Variants in POP4 observed in about 807,000 individuals in gnomAD.
POP4 encodes the protein POP4 ribonuclease P/MRP subunit, also known as ribonuclease P protein subunit p29.
POP4 carries 31 observed loss-of-function variants against 29.9 expected under a neutral mutation model. The ratio of observed to expected loss-of-function variants is 1.04; its 90% CI spans 0.78 to 1.40. The LOEUF (loss-of-function observed/expected upper bound fraction) is 1.40, where lower values mean the gene tolerates loss of function less well. Among genes scored for constraint, POP4 ranks in the 40% most tolerant of loss-of-function variants. POP4 has a pLI of 0.00. For missense variants in POP4, 286 were observed against 282.7 expected, an observed-to-expected ratio of 1.01 and a Z score of -0.08; for synonymous variants, 110 against 108.2, an observed-to-expected ratio of 1.02 and a Z score of -0.10.
intron 1 of POP4, among the ~76,000 whole-genome samples, chr19:29,607,467 CA>C (rs11358303): frequency 0.77 from 115,107 of 149,892 alleles, 45,004 homozygotes; most frequent in African/African-American, 0.92. Flanking sequence ...AAACAAACAA[CA>C]AAAAAAAAAA....
rs572652476 is a variant in POP4 at position 29,608,638 on chromosome 19, CTTTT to C, written c.8-14_8-11del. ...CATACCCAACAAGAATTGATCATTT[CTTTT>C]TTTTAATCCCCCAGGTGTGATCTAC... On this transcript the variant is annotated splice_polypyrimidine_tract_variant and intron_variant, in intron 1 of 6. Coordinates refer to ENST00000585603, the MANE Select transcript of POP4 (RefSeq NM_006627.3). 1 of 1,608,530 alleles carries C rather than the reference CTTTT, an allele frequency of 6.2e-7. No individual in the cohort carries two copies. Among genetic ancestry groups the C allele is most frequent in the Non-Finnish European group, 8.5e-7 (1 of 1,175,704 alleles).
chr19:29,610,983 T>A (rs567095525), intron 3 of POP4: 1 of 239,216 alleles, frequency 4.2e-6, no homozygotes, highest in East Asian at 1.1e-4. Context: ...AGCCAGACAG[T>A]CACCCACTCG....
chr19:29,610,681 G>A (rs1971057600), intron 3 of POP4, 49 bp downstream of exon 3: 1 of 1,577,672 alleles, frequency 6.3e-7, no homozygotes, highest in Admixed American at 1.8e-5. Flanking sequence ...TACCCTTCTT[G>A]GTGTGTGAAC....
intron 1 of POP4, among the ~76,000 whole-genome samples, chr19:29,608,070 C>T (rs1033352017): frequency 1.3e-5 from 2 of 152,144 alleles, no homozygotes; most frequent in African/African-American, 4.8e-5. Flanking sequence ...TTTTTACACA[C>T]GTTAAATTTT....
intron 5 of POP4, 77 bp from the exon 6 acceptor site, chr19:29,613,794 A>G (rs980167336): frequency 4.6e-6 from 7 of 1,529,190 alleles, no homozygotes; most frequent in African/African-American, 1.4e-5. Flanking sequence ...AGCACCCCCA[A>G]CCCCTGAGGC....
In POP4 at chr19:29,612,236, GT is replaced by G. The variant is rs562736211; in HGVS notation, c.424+59del. ...ATCCAGAGGTTCACTCTGTCACTCT[GT>G]GGAGACCCAGGGCGTGTGTTCTGTT... is the stretch of plus-strand genomic sequence containing the variant. On this transcript the variant is annotated intron_variant, in intron 5 of 6. Coordinates refer to ENST00000585603, the MANE Select transcript of POP4 (RefSeq NM_006627.3). The G allele has an allele frequency of 7.4e-5, 110 of 1,494,076 alleles. No individual in the cohort carries two copies. In the East Asian group the frequency reaches 2.3e-3, roughly 31 times the overall value. 92.6% of individuals were successfully genotyped at this position (1,494,076 alleles called of 1,614,324 possible). A position where few individuals can be genotyped will look rare whatever the true frequency, so the allele number is the denominator to read the frequency against.
chr19:29,610,825 GT>G, intron 3 of POP4, 193 bp downstream of exon 3: 1 of 603,606 alleles, frequency 1.7e-6, no homozygotes, highest in Non-Finnish European at 2.9e-6. Context: ...AGGACTCATT[GT>G]CTGGCCTCTC....
At position 29,606,295 on chromosome 19, in the gene POP4, G is replaced by C; in HGVS notation, c.-24G>C. The C allele has an allele frequency of 6.2e-7, 1 of 1,601,908 alleles. No homozygotes were observed. The stretch of plus-strand genomic sequence containing the variant: ...GACAGCAGCTGCCAGTGCGTCATCA[G>C]AGAGCGCCGGAAGCGGTCCGAGAAT... On this transcript the variant is annotated 5_prime_UTR_variant, in exon 1 of 7. Transcript: ENST00000585603.
chr19:29,606,675 A>G (rs1404559078), intron 1 of POP4, among the ~76,000 whole-genome samples: 1 of 152,126 alleles, frequency 6.6e-6, no homozygotes, highest in Non-Finnish European at 1.5e-5. Flanking sequence ...TCACACTCTT[A>G]ACCTGATGCA....
At chr19:29,608,763 CAGT>C (rs1971033590) in intron 2 of POP4, 54 bp downstream of exon 2, 8 of 1,533,634 alleles carry the variant, frequency 5.2e-6, no homozygotes, top group African/African-American at 2.7e-5. Flanking sequence ...AAAGATGGCT[CAGT>C]AGCTTCTGAG....
chr19:29,606,406 G>C (rs1250282579), intron 1 of POP4, 81 bp downstream of exon 1: 2 of 1,458,914 alleles, frequency 1.4e-6, no homozygotes, highest in Non-Finnish European at 1.8e-6. Flanking sequence ...ATGGGTCCGG[G>C]CTACCTGTTG....
At position 29,615,266 on chromosome 19, in the gene POP4, G is replaced by A. The variant is rs1251384264; in HGVS notation, c.549G>A (p.Val183=). 32 of 1,452,544 alleles carry A rather than the reference G, an allele frequency of 2.2e-5. No individual in the cohort carries two copies. The Admixed American group carries it at 3.9e-4, about 18-fold the overall frequency. The allele number at this position is 1,452,544 out of a possible 1,614,324, so 90.0% of individuals were successfully genotyped here. A position where few individuals can be genotyped will look rare whatever the true frequency, so the allele number is the denominator to read the frequency against. ...CAGTTATCCCCAAGCTAAACTGCGTGTTCACTGTGGAAACCGATGGCTTTA... is the reference window on the plus strand; with the variant it reads ...CAGTTATCCCCAAGCTAAACTGCGTATTCACTGTGGAAACCGATGGCTTTA... The part of the protein sequence containing the change: ...RLKVIPKLNC[V]FTVETDGFIS... The change falls in exon 7 of 7, where the codon GTG becomes GTA. Residue 183 remains valine (V), a synonymous_variant. Coordinates refer to ENST00000585603, the MANE Select transcript of POP4 (RefSeq NM_006627.3).
intron 1 of POP4, among the ~76,000 whole-genome samples, chr19:29,607,460 CA>C (rs1206971983): frequency 2.5e-4 from 11 of 43,162 alleles, no homozygotes; most frequent in African/African-American, 8.1e-4. Flanking sequence ...AACAAACAAA[CA>C]AACAACAAAA....
chr19:29,610,198 C>T lies in POP4; in HGVS notation c.61-211C>T, dbSNP rs187128087. The T allele has an allele frequency of 1.1e-4, 64 of 566,714 alleles. No individual in the cohort carries two copies. In the Admixed American group the frequency reaches 1.4e-3, roughly 12 times the overall value. 35.1% of individuals were successfully genotyped at this position (566,714 alleles called of 1,614,324 possible). ...TTGACACGCTGTTGTGTGTGACAAA[C>T]GGTCATGAATTGGTGTGTGAGTGTG... On this transcript the variant is annotated intron_variant, in intron 2 of 6. Transcript: ENST00000585603.
Position 29,610,534 on chromosome 19 carries a change from C to T in POP4, c.186C>T (p.Thr62=). The part of the protein sequence containing the change: ...QRKAVVLEYF[T]RHKRKEKKKK... ...AGGCGGTGGTCCTGGAGTACTTCAC[C>T]CGCCACAAGCGCAAGGAGAAGAAGA... Residue 62 remains threonine (T), a synonymous_variant, in exon 3 of 7, where the codon ACC becomes ACT. Transcript: ENST00000585603. The T allele has an allele frequency of 1.9e-6, 3 of 1,614,074 alleles. No individual in the cohort carries two copies. Among genetic ancestry groups the T allele is most frequent in the Non-Finnish European group, 2.5e-6 (3 of 1,180,018 alleles).
rs763780061 is a variant in POP4 at position 29,610,429 on chromosome 19, C to T, written c.81C>T (p.Ala27=). ...SDVQPSGAQR[A]EAFVRAFLKR... Reference sequence around the variant, plus strand: ...TGCAGCCTTCAGGAGCACAGCGGGCCGAGGCCTTCGTGAGGGCCTTCCTGA... The same window carrying T: ...TGCAGCCTTCAGGAGCACAGCGGGCTGAGGCCTTCGTGAGGGCCTTCCTGA... Residue 27 remains alanine, a synonymous_variant, in exon 3 of 7, where the codon GCC becomes GCT. Transcript: ENST00000585603. 1.5e-4 allele frequency: 234 copies of T among 1,570,880 alleles called. No homozygotes were observed. The highest frequency in any genetic ancestry group is 1.8e-4 in the Non-Finnish European group (206 of 1,158,440).
Position 29,613,739 on chromosome 19 carries a change from C to G in POP4, c.425-132C>G, listed in dbSNP as rs1017640385. ...GGGCCCAGCTGTTGAGCCCCCACCC[C>G]CTGGGTGCTCTGTTCTTTCATCTGC... is the stretch of plus-strand genomic sequence containing the variant. On this transcript the variant is annotated intron_variant, in intron 5 of 6. Coordinates refer to ENST00000585603, the MANE Select transcript of POP4 (RefSeq NM_006627.3). 17 of 1,383,686 alleles carry G rather than the reference C, an allele frequency of 1.2e-5. No individual in the cohort carries two copies. The Admixed American group carries it at 2.6e-4, about 21-fold the overall frequency. 85.7% of individuals were successfully genotyped at this position (1,383,686 alleles called of 1,614,324 possible).
At chr19:29,611,236 CAGG>C (rs1971065250) in intron 3 of POP4, 1 of 156,124 alleles carries the variant, frequency 6.4e-6, no homozygotes, top group Non-Finnish European at 1.4e-5. Flanking sequence ...CGGCCCCACT[CAGG>C]AGATCAGCTG....
rs140360352 is a variant in POP4, at chr19:29,613,935, C to T, written c.489C>T (p.His163=). The change falls in exon 6 of 7, where the codon CAC becomes CAT. Residue 163 remains histidine, a synonymous_variant. Transcript: ENST00000585603. ...ITGILLQETK[H]IFKIITKEDR... is the part of the protein sequence containing the mutation. ...GAATCCTTCTACAGGAAACAAAGCACATTTTCAAAATTATCACCAAAGAAG... is the reference window on the plus strand; with the variant it reads ...GAATCCTTCTACAGGAAACAAAGCATATTTTCAAAATTATCACCAAAGAAG... The T allele has an allele frequency of 7.4e-6, 12 of 1,613,756 alleles. No homozygotes were observed. The African/African-American group carries it at 1.6e-4, about 22-fold the overall frequency.
Sources: gnomAD v4.1 joint callset for allele counts (sites outside exome capture counted in the v4.1 genomes callset) on GRCh38, gnomAD v4.1.1 for gene constraint, MANE v1.5 for transcripts, NCBI Gene and HGNC (gene_info 2026-07-23, HGNC 2026-07-21) for gene names.